SBF2: variants seen among roughly 807,000 people sequenced by gnomAD.
The protein encoded by SBF2 is myotubularin-related protein 13.
A neutral mutation model predicts 225.2 loss-of-function variants in SBF2; 112 were observed. The observed-to-expected ratio is 0.50, with a 90% CI of 0.43 to 0.58. The LOEUF is 0.58. SBF2 is among the 20% of genes least tolerant of loss of function. SBF2 has a pLI of 0.00. For synonymous variants in SBF2, 763 were observed against 773.3 expected (o/e 0.99, Z 0.22); for missense variants, 1,996 against 2,206.2 (o/e 0.90, Z 1.91).
At chr11:10,097,956 GA>G in intron 2 of SBF2, among the ~76,000 whole-genome samples, 1 of 152,050 alleles carries the variant, frequency 6.6e-6, no homozygotes, top group South Asian at 2.1e-4. Context: ...AGAAACAGGA[GA>G]AAAGGGTGGG....
chr11:9,906,942 C>T (rs1336993231), intron 16 of SBF2, among the ~76,000 whole-genome samples: 2 of 152,098 alleles, frequency 1.3e-5, no homozygotes, highest in Non-Finnish European at 2.9e-5. Flanking sequence ...ACTGTTGTTG[C>T]CAACATTCCA....
intron 32 of SBF2, among the ~76,000 whole-genome samples, chr11:9,805,654 G>A (rs544585324): frequency 2.0e-4 from 30 of 151,812 alleles, no homozygotes; most frequent in East Asian, 5.8e-4. Context: ...ACGGAGCCTC[G>A]CTCTGTCTCC....
chr11:9,924,615 A>G (rs1044905076), intron 16 of SBF2, among the ~76,000 whole-genome samples: 8 of 152,044 alleles, frequency 5.3e-5, no homozygotes, highest in African/African-American at 1.9e-4. Flanking sequence ...TATTTTTAGT[A>G]GAGACGAGGT....
chr11:9,888,048 C>T (rs957133653), intron 17 of SBF2, among the ~76,000 whole-genome samples: 2 of 152,004 alleles, frequency 1.3e-5, no homozygotes, highest in Non-Finnish European at 1.5e-5. Context: ...ATTTGTATTC[C>T]ATCAGAATTA....
chr11:9,988,856 G>T (rs1456818447), intron 13 of SBF2, among the ~76,000 whole-genome samples: 1 of 152,140 alleles, frequency 6.6e-6, no homozygotes, highest in Admixed American at 6.6e-5. Flanking sequence ...ATTCCTTAAA[G>T]AACTAAAAGT....
intron 2 of SBF2, among the ~76,000 whole-genome samples, chr11:10,100,558 G>A (rs1293190318): frequency 1.3e-5 from 2 of 152,244 alleles, no homozygotes; most frequent in Non-Finnish European, 2.9e-5. Context: ...ACCACAGGGT[G>A]TCTGTCTGTA....
At chr11:10,181,601 C>T (rs1956739574) in intron 2 of SBF2, among the ~76,000 whole-genome samples, 1 of 151,976 alleles carries the variant, frequency 6.6e-6, no homozygotes, top group Non-Finnish European at 1.5e-5. Flanking sequence ...ATTGTGACTC[C>T]CTTTTTAGCT....
At chr11:10,148,690 C>T (rs1955009394) in intron 2 of SBF2, among the ~76,000 whole-genome samples, 1 of 151,810 alleles carries the variant, frequency 6.6e-6, no homozygotes, top group African/African-American at 2.4e-5. Context: ...GTCCTGTCTC[C>T]CTCTGTACAA....
At chr11:10,165,419 T>A (rs16907525) in intron 2 of SBF2, among the ~76,000 whole-genome samples, 8,317 of 152,272 alleles carry the variant, frequency 0.055, 314 homozygotes, top group Middle Eastern at 0.14. Flanking sequence ...TAAAAATGAC[T>A]GCCAGAATAA....
chr11:9,789,054 C>T lies in SBF2; in HGVS notation c.4932+55G>A, dbSNP rs1852567777. On this transcript the variant is annotated intron_variant, in intron 35 of 39. Coordinates refer to ENST00000256190, the MANE Select transcript of SBF2 (RefSeq NM_030962.4). ...AAGTTACTTAGCCTGGTTCCTTTGCCCTCATGCCTCCAGGGCCCCTGGTGC... is the reference window on the plus strand; with the variant it reads ...AAGTTACTTAGCCTGGTTCCTTTGCTCTCATGCCTCCAGGGCCCCTGGTGC... 6 of 1,473,950 alleles carry T rather than the reference C, an allele frequency of 4.1e-6. No individual in the cohort carries two copies. The South Asian group carries it at 6.8e-5, about 17-fold the overall frequency. 91.3% of individuals were successfully genotyped at this position (1,473,950 alleles called of 1,614,324 possible). A position where few individuals can be genotyped will look rare whatever the true frequency, so the allele number is the denominator to read the frequency against.
At chr11:10,232,233 AT>A (rs1182091888) in intron 1 of SBF2, among the ~76,000 whole-genome samples, 2 of 152,184 alleles carry the variant, frequency 1.3e-5, no homozygotes, top group Non-Finnish European at 2.9e-5. Flanking sequence ...AGGAAAGGGA[AT>A]TCCCGACCCC....
intron 2 of SBF2, among the ~76,000 whole-genome samples, chr11:10,075,522 C>T (rs1271120192): frequency 4.6e-5 from 7 of 152,132 alleles, no homozygotes; most frequent in Admixed American, 2.6e-4. Flanking sequence ...ATTGGATCAT[C>T]GGGGCAGATT....
At chr11:9,840,737 A>G (rs1856073234) in intron 25 of SBF2, among the ~76,000 whole-genome samples, 1 of 152,216 alleles carries the variant, frequency 6.6e-6, no homozygotes, top group Non-Finnish European at 1.5e-5. Context: ...GGGAAAAATA[A>G]CTTTATTTCC....
rs146179598 is a variant in SBF2 at position 10,199,467 on chromosome 11, A to G, written c.56-5480T>C. 8.7e-4 allele frequency among the ~76,000 whole-genome samples: 133 copies of G among 152,312 alleles called. 1 individual carries two copies. The highest frequency in any genetic ancestry group is 3.0e-3 in the African/African-American group (126 of 41,576). On this transcript the variant is annotated intron_variant, in intron 1 of 39. Transcript: ENST00000256190. Reference sequence around the variant, plus strand: ...AAGCTGTTGGCAAAATGGAGCTGACAGACTTGTTCAACATTGGGTTGCCAC... The same window carrying G: ...AAGCTGTTGGCAAAATGGAGCTGACGGACTTGTTCAACATTGGGTTGCCAC...
At position 9,789,356 on chromosome 11, in the gene SBF2, C is replaced by T; in HGVS notation, c.4699-14G>A. ...GGGCTTTAGAGCCTGTTAAAGAAAA[C>T]AGAAATATAGTTTCATCTTGACCCC... On this transcript the variant is annotated splice_polypyrimidine_tract_variant and intron_variant, in intron 34 of 39. Transcript: ENST00000256190. 6.3e-7 allele frequency: 1 copy of T among 1,599,614 alleles called. No individual in the cohort carries two copies. The highest frequency in any genetic ancestry group is 8.6e-7 in the Non-Finnish European group (1 of 1,167,064).
At chr11:10,260,756 C>T (rs1233563342) in intron 1 of SBF2, among the ~76,000 whole-genome samples, 2 of 151,084 alleles carry the variant, frequency 1.3e-5, no homozygotes, top group Non-Finnish European at 2.9e-5. Context: ...TGGTGTGCAC[C>T]CGTAGTCCCA....
At chr11:10,282,821 A>G (rs375578721) in intron 1 of SBF2, among the ~76,000 whole-genome samples, 1 of 40,342 alleles carries the variant, frequency 2.5e-5, no homozygotes, top group African/African-American at 6.9e-5. Flanking sequence ...CCCACCATCT[A>G]TAGAGTCAAG....
chr11:10,226,974 T>A (rs576405404), intron 1 of SBF2, among the ~76,000 whole-genome samples: 2 of 152,316 alleles, frequency 1.3e-5, no homozygotes, highest in Admixed American at 1.3e-4. Flanking sequence ...CTCCACATCC[T>A]CTCCAGCACC....
chr11:10,135,614 A>T (rs1307371346), intron 2 of SBF2, among the ~76,000 whole-genome samples: 1 of 152,186 alleles, frequency 6.6e-6, no homozygotes, highest in African/African-American at 2.4e-5. Flanking sequence ...AAGTTCCACA[A>T]ATCTCTAGGG....
Sources: gnomAD v4.1 joint callset for allele counts (sites outside exome capture counted in the v4.1 genomes callset) on GRCh38, gnomAD v4.1.1 for gene constraint, MANE v1.5 for transcripts, NCBI Gene and HGNC (gene_info 2026-07-23, HGNC 2026-07-21) for gene names.